Variants in UHRF2 observed in about 807,000 individuals in gnomAD.
The protein encoded by UHRF2 is E3 ubiquitin-protein ligase UHRF2.
Under a neutral mutation model 96.8 loss-of-function variants are expected in UHRF2, and 23 were observed. The observed-to-expected ratio is 0.24, with a 90% CI of 0.17 to 0.34. UHRF2 has a LOEUF of 0.34. Among genes scored for constraint, UHRF2 ranks in the 10% least tolerant of loss-of-function variants. The pLI is 1.00. For synonymous variants in UHRF2, 385 were observed against 332.6 expected (o/e 1.16, Z -1.72); for missense variants, 685 against 981.5 (o/e 0.70, Z 4.04).
rs1478759601 is a variant in UHRF2 at position 6,443,757 on chromosome 9, G to A, written c.644+9584G>A. ...TAATACAGTGTCAAGGCTTTACCAT[G>A]GGATTGAAATCAAATGAAATGTTAC... On this transcript the variant is annotated intron_variant, in intron 3 of 15. Transcript: ENST00000276893. 5.9e-5 allele frequency among the ~76,000 whole-genome samples: 9 copies of A among 152,168 alleles called. 1 individual carries two copies. Among genetic ancestry groups the A allele is most frequent in the Non-Finnish European group, 2.9e-5 (2 of 68,030 alleles).
intron 10 of UHRF2, chr9:6,495,234 C>T (rs1448105670): frequency 2.6e-5 from 4 of 152,018 alleles, no homozygotes; most frequent in Admixed American, 6.6e-5. Flanking sequence ...TGATAAGTAC[C>T]GCTACAATCT....
intron 9 of UHRF2, among the ~76,000 whole-genome samples, chr9:6,489,746 T>A (rs63177262): frequency 8.1e-4 from 116 of 142,550 alleles, no homozygotes; most frequent in African/African-American, 3.0e-3. Context: ...TTTTTTTTTT[T>A]ACCATTCATC....
chr9:6,501,110 A>G (rs2130971326), intron 14 of UHRF2, among the ~76,000 whole-genome samples: 1 of 152,364 alleles, frequency 6.6e-6, no homozygotes, highest in Non-Finnish European at 1.5e-5. Flanking sequence ...AAGTGGTAAA[A>G]TTAACCAGAT....
At chr9:6,438,284 C>T (rs1490104338) in intron 3 of UHRF2, among the ~76,000 whole-genome samples, 2 of 152,176 alleles carry the variant, frequency 1.3e-5, no homozygotes, top group Non-Finnish European at 2.9e-5. Flanking sequence ...TGGCCATTTT[C>T]AACCATAGAT....
intron 9 of UHRF2, among the ~76,000 whole-genome samples, chr9:6,489,647 C>T (rs1346890317): frequency 1.3e-5 from 2 of 150,622 alleles, no homozygotes; most frequent in Non-Finnish European, 2.9e-5. Context: ...GGACGTGATT[C>T]GTTTGCTTAT....
chr9:6,453,746 T>A (rs372468061), intron 3 of UHRF2, among the ~76,000 whole-genome samples: 1 of 151,900 alleles, frequency 6.6e-6, no homozygotes, highest in Non-Finnish European at 1.5e-5. Context: ...CTACTAAAAA[T>A]ACAAAAAAAC....
At chr9:6,431,436 G>C (rs1362640615) in intron 2 of UHRF2, among the ~76,000 whole-genome samples, 1 of 152,074 alleles carries the variant, frequency 6.6e-6, no homozygotes, top group African/African-American at 2.4e-5. Context: ...AGCAAACTCT[G>C]TCTCTACAAG....
intron 8 of UHRF2, among the ~76,000 whole-genome samples, chr9:6,485,818 AAAAAAAAAAAC>A (rs1170813669): frequency 6.6e-6 from 1 of 150,762 alleles, no homozygotes; most frequent in African/African-American, 2.4e-5. Context: ...AAAAAAAAAA[AAAAAAAAAAAC>A]AAAACCCAAA....
chr9:6,454,238 T>A (rs554696099), intron 3 of UHRF2, among the ~76,000 whole-genome samples: 15 of 152,290 alleles, frequency 9.8e-5, no homozygotes, highest in Admixed American at 2.6e-4. Context: ...AAATTGGGAA[T>A]CTAAACCTAG....
chr9:6,454,159 A>T (rs1294006229), intron 3 of UHRF2, among the ~76,000 whole-genome samples: 1 of 152,198 alleles, frequency 6.6e-6, no homozygotes, highest in South Asian at 2.1e-4. Context: ...AAGATTTGGT[A>T]ACTTTCCCAA....
intron 2 of UHRF2, among the ~76,000 whole-genome samples, chr9:6,423,414 C>T (rs951116630): frequency 1.9e-4 from 29 of 152,106 alleles, no homozygotes; most frequent in African/African-American, 6.3e-4. Flanking sequence ...TTCTAGTCAG[C>T]AAATAGAATT....
intron 6 of UHRF2, among the ~76,000 whole-genome samples, chr9:6,480,401 A>G (rs1156470652): frequency 5.3e-5 from 8 of 152,250 alleles, no homozygotes; most frequent in East Asian, 1.9e-4. Context: ...TGCCTTGCAC[A>G]TAGGAGGTTC....
At chr9:6,497,889 T>G (rs1825065416) in intron 11 of UHRF2, 129 bp from the exon 12 acceptor site, 3 of 1,159,042 alleles carry the variant, frequency 2.6e-6, no homozygotes, top group Non-Finnish European at 3.6e-6. Context: ...CTTGACTTAC[T>G]GTCCTTACAG....
At chr9:6,497,131 G>A in intron 10 of UHRF2, 67 bp from the exon 11 acceptor site, 2 of 1,431,174 alleles carry the variant, frequency 1.4e-6, no homozygotes, top group East Asian at 2.3e-5. Context: ...TTTTAATTGA[G>A]CTAATGACTC....
intron 1 of UHRF2, among the ~76,000 whole-genome samples, chr9:6,416,166 C>T (rs750002457): frequency 6.6e-6 from 1 of 152,034 alleles, no homozygotes; most frequent in Non-Finnish European, 1.5e-5. Flanking sequence ...CGGGTTCAAG[C>T]GATTCCCCTG....
intron 4 of UHRF2, among the ~76,000 whole-genome samples, chr9:6,462,345 G>A (rs1007993927): frequency 1.1e-4 from 16 of 151,630 alleles, no homozygotes; most frequent in African/African-American, 3.9e-4. Context: ...AAAAAATGAT[G>A]CGAGGTGTTG....
intron 9 of UHRF2, among the ~76,000 whole-genome samples, chr9:6,488,973 C>T (rs1452132946): frequency 6.6e-6 from 1 of 151,526 alleles, no homozygotes; most frequent in African/African-American, 2.4e-5. Flanking sequence ...TCGCCATTGA[C>T]TAATTTTTGT....
intron 4 of UHRF2, among the ~76,000 whole-genome samples, chr9:6,471,566 G>A (rs1187474477): frequency 1.3e-5 from 2 of 152,184 alleles, no homozygotes; most frequent in African/African-American, 2.4e-5. Context: ...GAAGCCAGTT[G>A]CATGTGATGA....
intron 2 of UHRF2, among the ~76,000 whole-genome samples, chr9:6,430,289 C>T (rs914617177): frequency 6.6e-6 from 1 of 152,192 alleles, no homozygotes; most frequent in Non-Finnish European, 1.5e-5. Flanking sequence ...GGATTACAGG[C>T]GTGAGCCCCT....
Sources: allele counts gnomAD v4.1 joint callset (sites outside exome capture counted in the v4.1 genomes callset), GRCh38; gene constraint gnomAD v4.1.1; transcripts MANE v1.5; gene names NCBI Gene and HGNC (gene_info 2026-07-23, HGNC 2026-07-21).